OSBPL9: variants seen among roughly 807,000 people sequenced by gnomAD.
OSBPL9 encodes the protein oxysterol binding protein like 9, also known as oxysterol-binding protein-related protein 9.
Under a neutral mutation model 106.6 loss-of-function variants are expected in OSBPL9, and 40 were observed. That is an observed-to-expected ratio of 0.38 (90% CI 0.29 to 0.49). The LOEUF (loss-of-function observed/expected upper bound fraction) is 0.49. Ranked by LOEUF, OSBPL9 falls within the 20% of genes least tolerant of loss-of-function variation. The probability of loss-of-function intolerance (pLI) is 0.97; values close to 1 mark genes in which losing one functional copy is unlikely to be tolerated. For synonymous variants in OSBPL9, 269 were observed against 295.4 expected (o/e 0.91, Z 0.92); for missense variants, 609 against 887.2 (o/e 0.69, Z 3.98).
intron 3 of OSBPL9, among the ~76,000 whole-genome samples, chr1:51,708,701 C>T (rs547863816): frequency 3.6e-4 from 54 of 152,074 alleles, no homozygotes; most frequent in African/African-American, 1.3e-3. Flanking sequence ...CTCGTATATT[C>T]GATTTCTTTT....
At chr1:51,619,391 C>G (rs568618793) in intron 1 of OSBPL9, among the ~76,000 whole-genome samples, 16 of 152,160 alleles carry the variant, frequency 1.1e-4, no homozygotes, top group African/African-American at 3.9e-4. Flanking sequence ...GTTGCCCTTT[C>G]AGTTTTTGAA....
chr1:51,662,305 A>AAG (rs1347823063), intron 2 of OSBPL9, among the ~76,000 whole-genome samples: 5 of 152,026 alleles, frequency 3.3e-5, no homozygotes, highest in African/African-American at 9.7e-5. Flanking sequence ...AGTTGGGAAA[A>AAG]AGAGAGAGAG....
chr1:51,714,028 G>A lies in OSBPL9; in HGVS notation c.267G>A (p.Lys89=), dbSNP rs1660598429. ...CCCGTGATGCTGATGAGCGAGAGAA[G>A]TGGATCCATGCCTTAGAAGAAACAA... ...FQARDADERE[K]WIHALEETIL... Residue 89 remains lysine (K), a synonymous_variant, in exon 4 of 24, where the codon AAG becomes AAA. Transcript: ENST00000428468. The A allele has an allele frequency of 6.2e-7, 1 of 1,609,524 alleles. No homozygotes were observed. Among genetic ancestry groups the A allele is most frequent in the Non-Finnish European group, 8.5e-7 (1 of 1,177,354 alleles).
intron 10 of OSBPL9, among the ~76,000 whole-genome samples, chr1:51,761,575 C>T (rs1318845522): frequency 6.6e-6 from 1 of 152,118 alleles, no homozygotes; most frequent in Admixed American, 6.5e-5. Context: ...GGCTCAGAAA[C>T]ACATTATCAT....
chr1:51,669,131 A>C (rs2148760900), intron 2 of OSBPL9, among the ~76,000 whole-genome samples: 1 of 152,320 alleles, frequency 6.6e-6, no homozygotes, highest in East Asian at 1.9e-4. Context: ...AGAAAGGCTC[A>C]GTGGCTGGCT....
At chr1:51,624,327 C>T (rs1197817984) in intron 1 of OSBPL9, among the ~76,000 whole-genome samples, 2 of 152,028 alleles carry the variant, frequency 1.3e-5, no homozygotes, top group Non-Finnish European at 2.9e-5. Context: ...TGGCTCATGC[C>T]TGTAATCCCC....
At chr1:51,776,979 T>G (rs1675228658) in intron 15 of OSBPL9, 61 bp downstream of exon 15, 1 of 1,302,602 alleles carries the variant, frequency 7.7e-7, no homozygotes, top group Admixed American at 1.7e-5. Flanking sequence ...GCTTTCTGCC[T>G]TTTATTTTGC....
chr1:51,748,336 A>G, intron 6 of OSBPL9, 33 bp from the exon 7 acceptor site: 1 of 1,513,286 alleles, frequency 6.6e-7, no homozygotes, highest in Non-Finnish European at 8.8e-7. Context: ...TGTGCTTCTG[A>G]TTATTTCTGT....
intron 3 of OSBPL9, among the ~76,000 whole-genome samples, chr1:51,692,336 T>A (rs1320161097): frequency 6.6e-6 from 1 of 152,138 alleles, no homozygotes; most frequent in Non-Finnish European, 1.5e-5. Context: ...TAAAGTAAAA[T>A]AATGTTAAAA....
At chr1:51,770,380 T>G (rs1156773366) in intron 12 of OSBPL9, among the ~76,000 whole-genome samples, 2 of 152,246 alleles carry the variant, frequency 1.3e-5, no homozygotes, top group East Asian at 3.9e-4. Flanking sequence ...TCACCTCAAG[T>G]GATCTGCCCA....
chr1:51,642,489 C>G (rs969952452), intron 1 of OSBPL9, among the ~76,000 whole-genome samples: 2 of 152,166 alleles, frequency 1.3e-5, no homozygotes, highest in Non-Finnish European at 2.9e-5. Context: ...CTAGTCCTTA[C>G]CCCTAGGATG....
At chr1:51,573,543 C>T (rs530138157), upstream of OSBPL9, among the ~76,000 whole-genome samples, 13 of 142,622 alleles carry the variant, frequency 9.1e-5, no homozygotes, top group East Asian at 1.2e-3. Flanking sequence ...AGGCCAGGCA[C>T]GGTGGTTCAC....
chr1:51,668,250 A>G (rs535691753), intron 2 of OSBPL9, among the ~76,000 whole-genome samples: 57 of 152,294 alleles, frequency 3.7e-4, no homozygotes, highest in South Asian at 1.2e-3. Flanking sequence ...ACATTGAACA[A>G]TAGATTCCCT....
In OSBPL9 at chr1:51,745,616, G is replaced by A; in HGVS notation, c.399G>A (p.Leu133=). ...LTEADAYLQI[L]IEQLKLFDDK... is the part of the protein sequence containing the mutation. ...AAGCTGATGCTTACCTACAAATCTT[G>A]ATTGAACAATTAAAGGTATGGCATT... Residue 133 remains leucine (L), a synonymous_variant, in exon 5 of 24, where the codon TTG becomes TTA. Transcript: ENST00000428468. The A allele has an allele frequency of 6.3e-7, 1 of 1,588,392 alleles. No homozygotes were observed. Among genetic ancestry groups the A allele is most frequent in the Non-Finnish European group, 8.5e-7 (1 of 1,172,282 alleles).
intron 14 of OSBPL9, among the ~76,000 whole-genome samples, chr1:51,773,794 C>T (rs1009786854): frequency 1.3e-5 from 2 of 152,076 alleles, no homozygotes; most frequent in Middle Eastern, 3.2e-3. Context: ...AACCTTTTAC[C>T]CCTAATCTAA....
chr1:51,530,580 G>A, the OSBPL9 span, among the ~76,000 whole-genome samples: 5 of 151,580 alleles, frequency 3.3e-5, no homozygotes, highest in South Asian at 8.4e-4. Context: ...TATCAAGACC[G>A]TCTCTTAAAC....
chr1:51,614,956 C>T (rs997993890), upstream of OSBPL9, among the ~76,000 whole-genome samples: 3 of 152,122 alleles, frequency 2.0e-5, no homozygotes, highest in African/African-American at 7.2e-5. Flanking sequence ...TTGAGCCTCT[C>T]CTCAACTAGA....
At chr1:51,567,573 T>C in the OSBPL9 span, 4 of 152,232 alleles carry the variant, frequency 2.6e-5, no homozygotes, top group Non-Finnish European at 4.4e-5. Flanking sequence ...TTCTTAGGCT[T>C]TTGGATCAAC....
At chr1:51,626,292 A>G (rs1644760722) in intron 1 of OSBPL9, among the ~76,000 whole-genome samples, 2 of 152,152 alleles carry the variant, frequency 1.3e-5, no homozygotes, top group African/African-American at 2.4e-5. Flanking sequence ...CCTATCATAG[A>G]AGAGGTAATC....
Sources: gnomAD v4.1 joint callset for allele counts (sites outside exome capture counted in the v4.1 genomes callset) on GRCh38, gnomAD v4.1.1 for gene constraint, MANE v1.5 for transcripts, NCBI Gene and HGNC (gene_info 2026-07-23, HGNC 2026-07-21) for gene names.